LDB2: variants seen among roughly 807,000 people sequenced by gnomAD.
The protein encoded by LDB2 is LIM domain binding 2.
Under a neutral mutation model 44.3 loss-of-function variants are expected in LDB2, and 12 were observed. That is an observed-to-expected ratio of 0.27 (90% CI 0.17 to 0.44). The LOEUF is 0.44. Ranked by LOEUF, LDB2 falls within the 20% of genes least tolerant of loss-of-function variation. The pLI, the probability that LDB2 is intolerant of heterozygous loss-of-function variation, is 1.00. For missense variants in LDB2, 344 were observed against 473.5 expected (o/e 0.73, Z 2.54); for synonymous variants, 164 against 174.8 (o/e 0.94, Z 0.49).
chr4:16,592,461 CATACATAT>C (rs1719362391), intron 3 of LDB2, among the ~76,000 whole-genome samples: 1 of 66,814 alleles, frequency 1.5e-5, no homozygotes, highest in Non-Finnish European at 2.6e-5. Flanking sequence ...ATGCATTATA[CATACATAT>C]ATATATATAT....
chr4:16,638,836 G>A (rs1282199696), intron 2 of LDB2, among the ~76,000 whole-genome samples: 1 of 140,908 alleles, frequency 7.1e-6, no homozygotes, highest in Admixed American at 7.5e-5. Flanking sequence ...ACTAAGACAA[G>A]AGCAATGTGT....
Position 16,534,426 on chromosome 4 carries a change from C to G in LDB2, c.616-22322G>C, listed in dbSNP as rs185682623. On this transcript the variant is annotated intron_variant, in intron 5 of 7. Transcript: ENST00000304523. Reference sequence around the variant, plus strand: ...TCCCCTCCTAAACACCCCGAGCTGGCCTTGCAGGAATTCTCGTCTCCAGCA... The same window carrying G: ...TCCCCTCCTAAACACCCCGAGCTGGGCTTGCAGGAATTCTCGTCTCCAGCA... Among the ~76,000 whole-genome samples, 197 of 152,260 alleles carry G rather than the reference C, an allele frequency of 1.3e-3. 2 individuals carry two copies. Among genetic ancestry groups the G allele is most frequent in the African/African-American group, 4.3e-3 (179 of 41,562 alleles).
chr4:16,865,416 G>A (rs1219455530), intron 1 of LDB2, among the ~76,000 whole-genome samples: 1 of 152,098 alleles, frequency 6.6e-6, no homozygotes, highest in Non-Finnish European at 1.5e-5. Flanking sequence ...AACGTTCCCT[G>A]CGACCAGCTT....
chr4:16,744,848 C>T (rs1025687645), intron 2 of LDB2, among the ~76,000 whole-genome samples: 3 of 152,156 alleles, frequency 2.0e-5, no homozygotes, highest in Non-Finnish European at 4.4e-5. Context: ...AGCTGGGTTG[C>T]CTTGAGCAAG....
At chr4:16,889,615 G>A (rs977082146) in intron 1 of LDB2, among the ~76,000 whole-genome samples, 8 of 152,110 alleles carry the variant, frequency 5.3e-5, no homozygotes, top group African/African-American at 1.4e-4. Flanking sequence ...AAATTTTAGC[G>A]TCAGGATGGC....
intron 7 of LDB2, among the ~76,000 whole-genome samples, chr4:16,503,795 G>A (rs1577210846): frequency 6.6e-6 from 1 of 152,222 alleles, no homozygotes; most frequent in African/African-American, 2.4e-5. Flanking sequence ...ACTCTTTTAA[G>A]TACAAATTGT....
chr4:16,656,333 G>A (rs1185663307), intron 2 of LDB2, among the ~76,000 whole-genome samples: 1 of 152,204 alleles, frequency 6.6e-6, no homozygotes, highest in East Asian at 1.9e-4. Flanking sequence ...TAGAAAAGCA[G>A]GGAGTCAGAA....
At chr4:16,778,868 T>C (rs1772542052) in intron 1 of LDB2, among the ~76,000 whole-genome samples, 1 of 152,170 alleles carries the variant, frequency 6.6e-6, no homozygotes, top group South Asian at 2.1e-4. Context: ...AGTTTCAATA[T>C]CCTTGGATGT....
At chr4:16,665,554 C>T (rs35171704) in intron 2 of LDB2, among the ~76,000 whole-genome samples, 85,258 of 151,982 alleles carry the variant, frequency 0.56, 24,369 homozygotes, top group Middle Eastern at 0.68. Context: ...CGTGAGCCAC[C>T]GCGCCAAGCC....
chr4:16,577,306 AACATCTT>A (rs1286827221), intron 5 of LDB2, among the ~76,000 whole-genome samples: 5 of 152,168 alleles, frequency 3.3e-5, no homozygotes, highest in African/African-American at 1.2e-4. Context: ...GTTTGTCAAT[AACATCTT>A]ATATTTGGAA....
chr4:16,714,565 T>C (rs2152668816), intron 2 of LDB2, among the ~76,000 whole-genome samples: 1 of 152,278 alleles, frequency 6.6e-6, no homozygotes, highest in Admixed American at 6.5e-5. Context: ...GTCCTTCTCT[T>C]CTACTTGAGT....
At chr4:16,757,186 C>T (rs1273346121) in intron 2 of LDB2, among the ~76,000 whole-genome samples, 1 of 152,186 alleles carries the variant, frequency 6.6e-6, no homozygotes, top group Admixed American at 6.5e-5. Flanking sequence ...GCGTTCTAAG[C>T]AAGCTTCATC....
intron 1 of LDB2, among the ~76,000 whole-genome samples, chr4:16,805,493 T>C (rs1778607061): frequency 6.6e-6 from 1 of 152,156 alleles, no homozygotes; most frequent in Admixed American, 6.5e-5. Flanking sequence ...CAGTGTCTCC[T>C]GGGGAGGAAG....
intron 2 of LDB2, among the ~76,000 whole-genome samples, chr4:16,737,782 G>T (rs1206366237): frequency 6.6e-6 from 1 of 152,106 alleles, no homozygotes. Context: ...AATGTTGAAT[G>T]ATTTGTCTCT....
chr4:16,619,872 GTTAATA>G (rs1560657356), intron 2 of LDB2, among the ~76,000 whole-genome samples: 3 of 149,628 alleles, frequency 2.0e-5, no homozygotes, highest in African/African-American at 4.9e-5. Flanking sequence ...TACCAGAGAA[GTTAATA>G]TTAATAGTAA....
At chr4:16,760,647 A>G (rs1336070865) in intron 1 of LDB2, among the ~76,000 whole-genome samples, 9 of 152,192 alleles carry the variant, frequency 5.9e-5, no homozygotes, top group Admixed American at 5.9e-4. Context: ...GCTGAATAAG[A>G]GACTGGTCCC....
chr4:16,842,330 A>T (rs2110115564), intron 1 of LDB2, among the ~76,000 whole-genome samples: 1 of 152,326 alleles, frequency 6.6e-6, no homozygotes, highest in African/African-American at 2.4e-5. Context: ...GGGACTGAGA[A>T]TGTCAGAGAG....
chr4:16,580,416 A>G (rs747182951), intron 5 of LDB2, among the ~76,000 whole-genome samples: 1 of 152,242 alleles, frequency 6.6e-6, no homozygotes, highest in Non-Finnish European at 1.5e-5. Flanking sequence ...TTAGGAGAGG[A>G]TAAAAATTCT....
intron 1 of LDB2, among the ~76,000 whole-genome samples, chr4:16,844,563 T>C (rs1580168602): frequency 1.3e-5 from 2 of 152,312 alleles, no homozygotes; most frequent in Admixed American, 1.3e-4. Flanking sequence ...TGCTTTTTGA[T>C]GGGGTAACTG....
Sources: allele counts gnomAD v4.1 joint callset (sites outside exome capture counted in the v4.1 genomes callset), GRCh38; gene constraint gnomAD v4.1.1; transcripts MANE v1.5; gene names NCBI Gene and HGNC (gene_info 2026-07-23, HGNC 2026-07-21).